The following SLC9A9 variants were observed in gnomAD, a reference collection of about 807,000 sequenced individuals.
The protein encoded by SLC9A9 is sodium/hydrogen exchanger 9.
Under a neutral mutation model 77.8 loss-of-function variants are expected in SLC9A9, and 62 were observed. The observed-to-expected ratio is 0.80, with a 90% CI of 0.65 to 0.98. The LOEUF is 0.98. SLC9A9 is among the 50% of genes least tolerant of loss of function. SLC9A9 has a pLI of 0.00. For missense variants in SLC9A9, 775 were observed against 774.9 expected (o/e 1.00, Z 0.00); for synonymous variants, 320 against 283.5 (o/e 1.13, Z -1.29).
At chr3:143,788,498 C>T (rs557667056) in intron 4 of SLC9A9, among the ~76,000 whole-genome samples, 53 of 152,122 alleles carry the variant, frequency 3.5e-4, no homozygotes, top group African/African-American at 1.2e-3. Flanking sequence ...AGAGACCAGC[C>T]TGGCCAACAT....
intron 5 of SLC9A9, among the ~76,000 whole-genome samples, chr3:143,674,470 T>G (rs948307354): frequency 2.0e-5 from 3 of 152,204 alleles, no homozygotes; most frequent in African/African-American, 7.2e-5. Flanking sequence ...TCTTAGATGC[T>G]TTCACCCATA....
chr3:143,791,580 A>C (rs1488280440), intron 4 of SLC9A9, among the ~76,000 whole-genome samples: 1 of 152,170 alleles, frequency 6.6e-6, no homozygotes, highest in Non-Finnish European at 1.5e-5. Context: ...TGCTACATGA[A>C]ACCTACTCTC....
At position 143,493,679 on chromosome 3, in the gene SLC9A9, T is replaced by C. The variant is rs1454234212; in HGVS notation, c.1289A>G (p.Asn430Ser). 1 of 1,613,936 alleles carries C rather than the reference T, an allele frequency of 6.2e-7. No individual in the cohort carries two copies. The highest frequency in any genetic ancestry group is 8.5e-7 in the Non-Finnish European group (1 of 1,179,934). The change falls in exon 11 of 16, where the codon AAC becomes AGC. Residue 430 changes from asparagine to serine, a missense_variant. Physicochemically the swap from Asn to Ser is conservative, Grantham distance 46. Coordinates refer to ENST00000316549, the MANE Select transcript of SLC9A9 (RefSeq NM_173653.4). ...TGAAAACATCATCATGTGCTGAAAG[T>C]TCCAGGGGATCTTCTGTTTTCGGCC... is the stretch of plus-strand genomic sequence containing the variant. ...NLGRKQKIPW[N>S]FQHMMMFSGL...
At chr3:143,834,826 G>A (rs1414094989) in intron 1 of SLC9A9, among the ~76,000 whole-genome samples, 1 of 152,108 alleles carries the variant, frequency 6.6e-6, no homozygotes, top group Non-Finnish European at 1.5e-5. Context: ...TGCTGCCATT[G>A]TGGCAGAGGT....
intron 9 of SLC9A9, among the ~76,000 whole-genome samples, chr3:143,544,738 TC>T (rs1484911897): frequency 2.0e-5 from 3 of 152,204 alleles, no homozygotes; most frequent in African/African-American, 7.2e-5. Flanking sequence ...ACAAATCCTT[TC>T]CCAAAACTGA....
intron 3 of SLC9A9, among the ~76,000 whole-genome samples, chr3:143,795,429 T>C (rs1040324077): frequency 3.3e-5 from 5 of 152,124 alleles, no homozygotes; most frequent in Admixed American, 3.3e-4. Context: ...ACAGTTTTCA[T>C]GAAGTTTTGT....
intron 14 of SLC9A9, among the ~76,000 whole-genome samples, chr3:143,358,544 A>G (rs915745658): frequency 6.6e-6 from 1 of 152,166 alleles, no homozygotes; most frequent in Non-Finnish European, 1.5e-5. Context: ...GGGCTAATTT[A>G]TACACACGTT....
chr3:143,697,303 T>C (rs1024549681), intron 4 of SLC9A9, among the ~76,000 whole-genome samples: 3 of 152,134 alleles, frequency 2.0e-5, no homozygotes, highest in African/African-American at 7.2e-5. Context: ...GTTAGATGCA[T>C]ACAGCCTCAT....
chr3:143,749,514 A>G (rs1338026120), intron 4 of SLC9A9, among the ~76,000 whole-genome samples: 1 of 152,198 alleles, frequency 6.6e-6, no homozygotes, highest in Admixed American at 6.5e-5. Context: ...TACGCATTCC[A>G]CTTTATAAGG....
chr3:143,742,437 C>A (rs914960200), intron 4 of SLC9A9, among the ~76,000 whole-genome samples: 1 of 152,168 alleles, frequency 6.6e-6, no homozygotes, highest in Non-Finnish European at 1.5e-5. Context: ...AGGCAGTAGG[C>A]AAGGTGAACC....
At chr3:143,711,115 C>T (rs1304293625) in intron 4 of SLC9A9, among the ~76,000 whole-genome samples, 2 of 152,168 alleles carry the variant, frequency 1.3e-5, no homozygotes, top group Non-Finnish European at 2.9e-5. Context: ...ACATCAATTC[C>T]TTGCCCTGAT....
At chr3:143,667,709 G>T (rs551498849) in intron 5 of SLC9A9, among the ~76,000 whole-genome samples, 66 of 152,316 alleles carry the variant, frequency 4.3e-4, no homozygotes, top group Admixed American at 4.3e-3. Context: ...AGACATTTAT[G>T]CAGCCAAAAG....
chr3:143,618,270 A>G (rs911732436), intron 6 of SLC9A9, among the ~76,000 whole-genome samples: 2 of 152,214 alleles, frequency 1.3e-5, no homozygotes, highest in South Asian at 2.1e-4. Context: ...TTGTGTCAAG[A>G]GAGTTTTATA....
intron 4 of SLC9A9, among the ~76,000 whole-genome samples, chr3:143,694,959 A>G (rs1280638406): frequency 4.6e-5 from 7 of 152,078 alleles, no homozygotes; most frequent in African/African-American, 1.7e-4. Flanking sequence ...CTAGAAGGGG[A>G]GGCTGAATCT....
chr3:143,400,396 G>A (rs1303780471), intron 12 of SLC9A9, among the ~76,000 whole-genome samples: 1 of 152,142 alleles, frequency 6.6e-6, no homozygotes, highest in Non-Finnish European at 1.5e-5. Context: ...GAACCTGGAT[G>A]GAACTGGAAA....
In SLC9A9 at chr3:143,409,382, T is replaced by C. The variant is rs76826333; in HGVS notation, c.1470-27268A>G. ...GGAGTAACTTGAGGTCTCCATATTA[T>C]AAGCACCTCTGAGAGTCTAGAATGA... On this transcript the variant is annotated intron_variant, in intron 12 of 15. Transcript: ENST00000316549. 7.7e-3 allele frequency among the ~76,000 whole-genome samples: 1,171 copies of C among 152,332 alleles called. 9 individuals carry two copies. Among genetic ancestry groups the C allele is most frequent in the African/African-American group, 0.023 (954 of 41,572 alleles).
At chr3:143,805,983 T>G (rs2108867589) in intron 2 of SLC9A9, among the ~76,000 whole-genome samples, 1 of 152,298 alleles carries the variant, frequency 6.6e-6, no homozygotes, top group South Asian at 2.1e-4. Flanking sequence ...CTGGGTAATC[T>G]GAAAATAAAA....
chr3:143,521,242 T>C (rs2036293922), intron 9 of SLC9A9, among the ~76,000 whole-genome samples: 1 of 152,138 alleles, frequency 6.6e-6, no homozygotes, highest in Admixed American at 6.5e-5. Context: ...GGTAAATAAA[T>C]GAGAACTAAC....
intron 12 of SLC9A9, among the ~76,000 whole-genome samples, chr3:143,399,370 CTA>C (rs2033800897): frequency 6.6e-6 from 1 of 151,894 alleles, no homozygotes; most frequent in Non-Finnish European, 1.5e-5. Flanking sequence ...GCGTGCATGA[CTA>C]TGTTAAAAAG....
Sources: gnomAD v4.1 joint callset for allele counts (sites outside exome capture counted in the v4.1 genomes callset) on GRCh38, gnomAD v4.1.1 for gene constraint, MANE v1.5 for transcripts, NCBI Gene and HGNC (gene_info 2026-07-23, HGNC 2026-07-21) for gene names.